Variants in TUT4 observed in about 807,000 individuals in gnomAD.
The protein encoded by TUT4 is terminal uridylyltransferase 4.
A neutral mutation model predicts 192.2 loss-of-function variants in TUT4; 36 were observed. That is an observed-to-expected ratio of 0.19 (90% confidence interval 0.14 to 0.25). The LOEUF (loss-of-function observed/expected upper bound fraction) is 0.25. Ranked by LOEUF, TUT4 falls within the 10% of genes least tolerant of loss-of-function variation. TUT4 has a pLI of 1.00. For missense variants in TUT4, 1,493 were observed against 1,957.2 expected (o/e 0.76, Z 4.47); for synonymous variants, 618 against 666.0 (o/e 0.93, Z 1.11).
At chr1:52,514,044 T>C (rs1441223894) in intron 3 of TUT4, among the ~76,000 whole-genome samples, 5 of 152,210 alleles carry the variant, frequency 3.3e-5, no homozygotes, top group Admixed American at 6.5e-5. Flanking sequence ...AATAAGGAGA[T>C]AGAATCAGGT....
At chr1:52,498,240 CTTTTTT>C (rs556089149) in intron 4 of TUT4, among the ~76,000 whole-genome samples, 1 of 119,416 alleles carries the variant, frequency 8.4e-6, no homozygotes, top group South Asian at 2.8e-4. Context: ...AGTTTCAGTA[CTTTTTT>C]TTTTTTTTTT....
rs548203167 is a variant in TUT4 at position 52,427,644 on chromosome 1, A to C, written c.4712-2137T>G. Reference sequence around the variant, plus strand: ...TATATCCTCTGATCTTAGAAATCTAATTAAGTTACCATATTCTGGCATTTT... The same window carrying C: ...TATATCCTCTGATCTTAGAAATCTACTTAAGTTACCATATTCTGGCATTTT... On this transcript the variant is annotated intron_variant, in intron 28 of 29. Transcript: ENST00000257177. Among the ~76,000 whole-genome samples the C allele has an allele frequency of 4.6e-5, 7 of 152,356 alleles. No individual in the cohort carries two copies. In the East Asian group the frequency reaches 1.2e-3, roughly 25 times the overall value.
intron 9 of TUT4, among the ~76,000 whole-genome samples, chr1:52,486,885 C>T (rs186901834): frequency 6.6e-6 from 1 of 152,180 alleles, no homozygotes; most frequent in African/African-American, 2.4e-5. Context: ...ATCTGAGTAT[C>T]ATTTATAATC....
At chr1:52,469,798 G>C (rs1310058701) in intron 14 of TUT4, among the ~76,000 whole-genome samples, 1 of 150,866 alleles carries the variant, frequency 6.6e-6, no homozygotes, top group Non-Finnish European at 1.5e-5. Context: ...GCTGAGGCAG[G>C]AGAAATGGCT....
chr1:52,458,598 C>G (rs1340208012), intron 19 of TUT4, 149 bp from the exon 20 acceptor site: 2 of 531,972 alleles, frequency 3.8e-6, no homozygotes, highest in East Asian at 6.5e-5. Context: ...TCCCAACACT[C>G]TGGGAGGTTG....
chr1:52,490,675 A>C, intron 8 of TUT4, 57 bp downstream of exon 8: 107 of 1,401,154 alleles, frequency 7.6e-5, no homozygotes, highest in Non-Finnish European at 1.0e-4. Context: ...ATCATTCACT[A>C]CAAATTTGGT....
chr1:52,452,041 T>C (rs899286933), intron 20 of TUT4, among the ~76,000 whole-genome samples: 1 of 151,698 alleles, frequency 6.6e-6, no homozygotes, highest in Non-Finnish European at 1.5e-5. Context: ...AAGAATGAGT[T>C]AGGAAGTGTT....
At chr1:52,464,526 T>C (rs920758457) in intron 16 of TUT4, among the ~76,000 whole-genome samples, 1 of 152,192 alleles carries the variant, frequency 6.6e-6, no homozygotes, top group African/African-American at 2.4e-5. Context: ...AGTGCTGGGA[T>C]TACAGGCATG....
chr1:52,533,336 C>G (rs1684004012), intron 1 of TUT4, among the ~76,000 whole-genome samples: 1 of 152,196 alleles, frequency 6.6e-6, no homozygotes, highest in South Asian at 2.1e-4. Flanking sequence ...TTTTGGTATA[C>G]TTTTCAGTTT....
chr1:52,490,627 C>T, intron 8 of TUT4, 105 bp downstream of exon 8: 2 of 856,238 alleles, frequency 2.3e-6, no homozygotes, highest in Non-Finnish European at 3.5e-6. Context: ...CATATTCATC[C>T]AAGGAGAAAT....
intron 20 of TUT4, among the ~76,000 whole-genome samples, chr1:52,450,016 G>A (rs976419273): frequency 6.6e-6 from 1 of 152,006 alleles, no homozygotes; most frequent in Non-Finnish European, 1.5e-5. Context: ...ATCTTTTTTG[G>A]AATTAATTTT....
rs1672617846 is a variant in TUT4, at chr1:52,497,016, T to A, written c.1167A>T (p.Thr389=). ...GAAATGTATTTCTACCTGGTAAAAA[T>A]GTCGTTATAACCTTTGACATTTCCT... is the stretch of plus-strand genomic sequence containing the variant. The part of the protein sequence containing the change: ...IVEEMSKVIT[T]FLPECSLRLY... The change falls in exon 5 of 30, where the codon ACA becomes ACT. Residue 389 remains threonine, a synonymous_variant. Coordinates refer to ENST00000257177, the MANE Select transcript of TUT4 (RefSeq NM_001009881.3). The A allele has an allele frequency of 6.2e-7, 1 of 1,611,920 alleles. No individual in the cohort carries two copies. Among genetic ancestry groups the A allele is most frequent in the African/African-American group, 1.3e-5 (1 of 74,810 alleles).
rs181866457 is a variant in TUT4, at chr1:52,457,709, G to A, written c.3435+627C>T. On this transcript the variant is annotated intron_variant, in intron 20 of 29. Transcript: ENST00000257177. ...ATCTACTTTGTGCCAAGAATCAGGCGGAACAGATGGATGATTAATATCTCC... is the reference window on the plus strand; with the variant it reads ...ATCTACTTTGTGCCAAGAATCAGGCAGAACAGATGGATGATTAATATCTCC... 1.4e-4 allele frequency among the ~76,000 whole-genome samples: 22 copies of A among 152,200 alleles called. 1 individual carries two copies. In the South Asian group the frequency reaches 2.1e-3, roughly 14 times the overall value.
intron 9 of TUT4, among the ~76,000 whole-genome samples, chr1:52,488,370 C>T (rs1222863504): frequency 6.6e-6 from 1 of 152,186 alleles, no homozygotes; most frequent in Non-Finnish European, 1.5e-5. Flanking sequence ...TACTCCCTAT[C>T]CCCACATCAA....
intron 2 of TUT4, among the ~76,000 whole-genome samples, chr1:52,523,146 C>A (rs1680758795): frequency 6.6e-6 from 1 of 151,366 alleles, no homozygotes; most frequent in South Asian, 2.1e-4. Context: ...GCATGTGCCA[C>A]CACACCCGGC....
At chr1:52,536,239 AAGG>A (rs1184871728) in intron 1 of TUT4, among the ~76,000 whole-genome samples, 2 of 152,210 alleles carry the variant, frequency 1.3e-5, no homozygotes, top group East Asian at 1.9e-4. Flanking sequence ...TAAAAATATA[AAGG>A]AGGAGAGAAA....
At chr1:52,494,994 T>A (rs1046294365) in intron 6 of TUT4, among the ~76,000 whole-genome samples, 1 of 152,102 alleles carries the variant, frequency 6.6e-6, no homozygotes, top group South Asian at 2.1e-4. Flanking sequence ...TTAAGACACC[T>A]GACATATATT....
At chr1:52,523,953 G>T (rs150779054) in intron 2 of TUT4, among the ~76,000 whole-genome samples, 1 of 151,956 alleles carries the variant, frequency 6.6e-6, no homozygotes, top group Admixed American at 6.6e-5. Context: ...TCAAGATAAC[G>T]CTGTATTTTT....
At chr1:52,532,079 G>A (rs1683612407) in intron 1 of TUT4, among the ~76,000 whole-genome samples, 2 of 150,928 alleles carry the variant, frequency 1.3e-5, no homozygotes, top group South Asian at 4.2e-4. Flanking sequence ...GCAGATACGG[G>A]GTTTTACCAT....
Sources: allele counts gnomAD v4.1 joint callset (sites outside exome capture counted in the v4.1 genomes callset), GRCh38; gene constraint gnomAD v4.1.1; transcripts MANE v1.5; gene names NCBI Gene and HGNC (gene_info 2026-07-23, HGNC 2026-07-21).